The following TCF4 variants were observed in gnomAD, a reference collection of about 807,000 sequenced individuals.
TCF4 encodes the protein SL3-3 enhancer factor 2.
TCF4 carries 3 observed loss-of-function variants against 82.1 expected under a neutral mutation model. The ratio of observed to expected loss-of-function variants is 0.04; its 90% CI spans 0.02 to 0.09. TCF4 has a LOEUF of 0.09. Ranked by LOEUF, TCF4 falls within the 10% of genes least tolerant of loss-of-function variation. TCF4 has a pLI of 1.00. For synonymous variants in TCF4, 276 were observed against 309.6 expected (o/e 0.89, Z 1.14); for missense variants, 518 against 852.7 (o/e 0.61, Z 4.89).
At chr18:55,590,907 A>G (rs1047415198), upstream of TCF4, among the ~76,000 whole-genome samples, 1 of 152,254 alleles carries the variant, frequency 6.6e-6, no homozygotes, top group African/African-American at 2.4e-5. Context: ...CCAAGGAAGA[A>G]GTTTTGTAAG....
At chr18:55,491,414 C>T (rs1010938992) in intron 3 of TCF4, among the ~76,000 whole-genome samples, 2 of 152,158 alleles carry the variant, frequency 1.3e-5, no homozygotes, top group Non-Finnish European at 2.9e-5. Context: ...ATCGAAAGGG[C>T]ATTTATGTTC....
At chr18:55,273,675 T>A (rs2060863494) in intron 10 of TCF4, among the ~76,000 whole-genome samples, 1 of 152,176 alleles carries the variant, frequency 6.6e-6, no homozygotes, top group Non-Finnish European at 1.5e-5. Flanking sequence ...CTGAAATCTG[T>A]TAACTGTTCA....
intron 3 of TCF4, among the ~76,000 whole-genome samples, chr18:55,541,526 C>T (rs1179632402): frequency 6.6e-6 from 1 of 151,876 alleles, no homozygotes; most frequent in Non-Finnish European, 1.5e-5. Context: ...CTAAACCTGT[C>T]CTTTAAATTC....
At chr18:55,540,090 A>C (rs1349432800) in intron 3 of TCF4, among the ~76,000 whole-genome samples, 1 of 152,122 alleles carries the variant, frequency 6.6e-6, no homozygotes, top group Non-Finnish European at 1.5e-5. Flanking sequence ...AATAGACATA[A>C]TATAGAATGA....
At chr18:55,286,021 A>C (rs2063594756) in intron 8 of TCF4, among the ~76,000 whole-genome samples, 1 of 152,182 alleles carries the variant, frequency 6.6e-6, no homozygotes, top group Admixed American at 6.5e-5. Flanking sequence ...GTGCCAAACA[A>C]CACACCATGG....
chr18:55,625,324 T>C (rs1047253382), intron 2 of TCF4, among the ~76,000 whole-genome samples: 3 of 151,736 alleles, frequency 2.0e-5, no homozygotes, highest in Non-Finnish European at 4.4e-5. Flanking sequence ...CTGCAACCTC[T>C]GCCTCCTGGG....
chr18:55,375,211 T>C (rs1247831511), intron 6 of TCF4, among the ~76,000 whole-genome samples: 1 of 151,310 alleles, frequency 6.6e-6, no homozygotes, highest in Non-Finnish European at 1.5e-5. Context: ...TATATAAATA[T>C]AAAAATTTAA....
upstream of TCF4, chr18:55,589,292 G>C (rs1270641597): frequency 9.5e-7 from 1 of 1,050,018 alleles, no homozygotes; most frequent in Middle Eastern, 4.3e-4. Flanking sequence ...AAATTGAAAC[G>C]TTACCTTAAA....
At chr18:55,585,861 A>ACT (rs149913198) in intron 2 of TCF4, 86 of 1,153,370 alleles carry the variant, frequency 7.5e-5, no homozygotes, top group East Asian at 1.4e-4. Context: ...TTGAAGCAAG[A>ACT]CTCTCTCTCT....
At chr18:55,501,678 C>A (rs1170783869) in intron 3 of TCF4, among the ~76,000 whole-genome samples, 1 of 151,878 alleles carries the variant, frequency 6.6e-6, no homozygotes, top group African/African-American at 2.4e-5. Context: ...GATTAAAAAC[C>A]CCTTGAAAGG....
chr18:55,434,763 C>T (rs1162277383), intron 5 of TCF4, among the ~76,000 whole-genome samples: 23 of 131,784 alleles, frequency 1.7e-4, no homozygotes, highest in South Asian at 2.8e-4. Context: ...CTCAAGTATT[C>T]GTGTGTGTGT....
At chr18:55,496,620 C>T (rs2096638925) in intron 3 of TCF4, among the ~76,000 whole-genome samples, 3 of 152,002 alleles carry the variant, frequency 2.0e-5, no homozygotes, top group South Asian at 2.1e-4. Context: ...TTTGTTTTAA[C>T]ATGAGTTTTC....
intron 3 of TCF4, among the ~76,000 whole-genome samples, chr18:55,531,253 C>G (rs1273530756): frequency 1.3e-5 from 2 of 151,898 alleles, no homozygotes; most frequent in African/African-American, 4.8e-5. Context: ...CACACCAGGC[C>G]TACCAGAGCA....
intron 10 of TCF4, among the ~76,000 whole-genome samples, chr18:55,271,391 C>T (rs1371539591): frequency 3.3e-5 from 5 of 152,038 alleles, no homozygotes; most frequent in African/African-American, 1.2e-4. Flanking sequence ...ACTATACGCT[C>T]AATGAACAAT....
At position 55,223,456 on chromosome 18, in the gene TCF4, T is replaced by C. The variant is rs897712083; in HGVS notation, c.*4579A>G. On this transcript the variant is annotated 3_prime_UTR_variant, in exon 20 of 20. Transcript: ENST00000354452. ...TGAAACAAGTGTCAGAAACAGTTTATAAAAATGGCACATTTATTGCTACAG... is the reference window on the plus strand; with the variant it reads ...TGAAACAAGTGTCAGAAACAGTTTACAAAAATGGCACATTTATTGCTACAG... The C allele has an allele frequency of 1.3e-5, 2 of 152,650 alleles. No homozygotes were observed. The highest frequency in any genetic ancestry group is 4.8e-5 in the African/African-American group (2 of 41,452). The allele number at this position is 152,650 out of a possible 1,614,324, so 9.5% of individuals were successfully genotyped here. A position where few individuals can be genotyped will look rare whatever the true frequency, so the allele number is the denominator to read the frequency against.
chr18:55,294,675 C>T (rs1294408652), intron 8 of TCF4, among the ~76,000 whole-genome samples: 2 of 152,236 alleles, frequency 1.3e-5, no homozygotes, highest in African/African-American at 4.8e-5. Flanking sequence ...AGTTGTCCAG[C>T]ACTGGGTGTG....
At chr18:55,355,221 T>A (rs2083209745) in intron 6 of TCF4, among the ~76,000 whole-genome samples, 1 of 152,202 alleles carries the variant, frequency 6.6e-6, no homozygotes, top group African/African-American at 2.4e-5. Context: ...AATATATGTG[T>A]AGGTATCTAC....
chr18:55,248,011 C>A (rs1190574657), intron 15 of TCF4, among the ~76,000 whole-genome samples: 2 of 152,190 alleles, frequency 1.3e-5, no homozygotes, highest in Non-Finnish European at 2.9e-5. Flanking sequence ...GGCAGGAAAT[C>A]TGTAGGGAGA....
upstream of TCF4, chr18:55,588,285 G>A (rs1021050784): frequency 6.9e-7 from 1 of 1,442,972 alleles, no homozygotes; most frequent in African/African-American, 1.4e-5. Context: ...GAAACACGCC[G>A]AGGCGCACGG....
Sources: allele counts gnomAD v4.1 joint callset (sites outside exome capture counted in the v4.1 genomes callset), GRCh38; gene constraint gnomAD v4.1.1; transcripts MANE v1.5; gene names NCBI Gene and HGNC (gene_info 2026-07-23, HGNC 2026-07-21).